The following RPL34 variants were observed in gnomAD, a reference collection of about 807,000 sequenced individuals.
The protein encoded by RPL34 is ribosomal protein L34, also known as large ribosomal subunit protein eL34.
Under a neutral mutation model 16.3 loss-of-function variants are expected in RPL34, and 2 were observed. The ratio of observed to expected loss-of-function variants is 0.12; its 90% CI spans 0.05 to 0.39. The LOEUF (loss-of-function observed/expected upper bound fraction) is 0.39, where lower values mean the gene tolerates loss of function less well. RPL34 is among the 10% of genes least tolerant of loss of function. The probability of loss-of-function intolerance (pLI) is 0.99; values close to 1 mark genes in which losing one functional copy is unlikely to be tolerated. For synonymous variants in RPL34, 47 were observed against 48.5 expected (o/e 0.97, Z 0.13); for missense variants, 82 against 148.8 (o/e 0.55, Z 2.33).
intron 4 of RPL34, 103 bp from the exon 5 acceptor site, chr4:108,625,025 C>CTG (rs1328251735): frequency 1.4e-6 from 1 of 733,110 alleles, no homozygotes; most frequent in Non-Finnish European, 2.3e-6. Flanking sequence ...CCTGGGTTCC[C>CTG]TGATTGCTTT....
intron 4 of RPL34, 26 bp from the exon 5 acceptor site, chr4:108,625,102 G>T: frequency 6.7e-7 from 1 of 1,499,032 alleles, no homozygotes; most frequent in Non-Finnish European, 9.2e-7. Context: ...TTAAAGAAAT[G>T]ATTAATTTGG....
At chr4:108,625,009 T>C in intron 4 of RPL34, 119 bp from the exon 5 acceptor site, 1 of 663,814 alleles carries the variant, frequency 1.5e-6, no homozygotes, top group Non-Finnish European at 2.7e-6. Flanking sequence ...GTGTATCCTG[T>C]AGTTTCCTGG....
chr4:108,622,805 T>C (rs1169089810), intron 4 of RPL34, 187 bp downstream of exon 4: 1 of 462,064 alleles, frequency 2.2e-6, no homozygotes, highest in Non-Finnish European at 3.8e-6. Context: ...TTTGGGGGCA[T>C]ATTTATGCTA....
intron 4 of RPL34, 186 bp downstream of exon 4, chr4:108,622,804 A>T (rs566757442): frequency 2.1e-6 from 1 of 465,362 alleles, no homozygotes; most frequent in Non-Finnish European, 3.8e-6. Flanking sequence ...ATTTGGGGGC[A>T]TATTTATGCT....
At chr4:108,626,766 C>T (rs942242395), downstream of RPL34, among the ~76,000 whole-genome samples, 11 of 152,096 alleles carry the variant, frequency 7.2e-5, no homozygotes, top group Non-Finnish European at 1.3e-4. Context: ...CCATAACAAG[C>T]TTTATTCCAA....
At chr4:108,625,105 T>C (rs764249990) in intron 4 of RPL34, 23 bp from the exon 5 acceptor site, 1 of 1,514,334 alleles carries the variant, frequency 6.6e-7, no homozygotes, top group Non-Finnish European at 9.1e-7. Context: ...AAGAAATGAT[T>C]AATTTGGTAT....
intron 4 of RPL34, among the ~76,000 whole-genome samples, chr4:108,624,884 G>C (rs976906264): frequency 6.6e-6 from 1 of 152,064 alleles, no homozygotes; most frequent in East Asian, 1.9e-4. Flanking sequence ...GTCTCCTGTG[G>C]GGATGACTTC....
At chr4:108,626,287 C>T (rs1371530543), downstream of RPL34, among the ~76,000 whole-genome samples, 8 of 151,774 alleles carry the variant, frequency 5.3e-5, no homozygotes. Context: ...GTAGGCACCA[C>T]CATGCCTGGC....
At chr4:108,620,882 G>C (rs1277790426) in intron 1 of RPL34, 1 of 152,276 alleles carries the variant, frequency 6.6e-6, no homozygotes, top group Non-Finnish European at 1.5e-5. Flanking sequence ...GTGGTTTGGC[G>C]GTTTGAGTCT....
downstream of RPL34, among the ~76,000 whole-genome samples, chr4:108,629,868 G>T (rs975693535): frequency 2.1e-4 from 32 of 152,202 alleles, no homozygotes; most frequent in Non-Finnish European, 1.5e-5. Flanking sequence ...TCAGGGCTAT[G>T]TCCAACTTTC....
chr4:108,628,799 A>G (rs1726093451), downstream of RPL34, among the ~76,000 whole-genome samples: 1 of 152,292 alleles, frequency 6.6e-6, no homozygotes, highest in South Asian at 2.1e-4. Context: ...AGAATGATAA[A>G]AAATCTCAAT....
chr4:108,621,877 C>A (rs1725792928), intron 1 of RPL34, 74 bp from the exon 2 acceptor site: 3 of 969,566 alleles, frequency 3.1e-6, no homozygotes, highest in Non-Finnish European at 5.0e-6. Flanking sequence ...ATGAAATAGA[C>A]CACATGATAC....
chr4:108,621,855 A>G (rs1725792130), intron 1 of RPL34, 96 bp from the exon 2 acceptor site: 1 of 793,090 alleles, frequency 1.3e-6, no homozygotes, highest in Admixed American at 1.9e-5. Flanking sequence ...ACATACAAGG[A>G]TATGTATGTG....
chr4:108,621,283 A>G (rs1243967283), intron 1 of RPL34: 1 of 152,506 alleles, frequency 6.6e-6, no homozygotes, highest in Non-Finnish European at 1.5e-5. Flanking sequence ...AGTTGCTCGT[A>G]TGCATATCTG....
intron 3 of RPL34, 24 bp downstream of exon 3, chr4:108,622,228 C>T: frequency 6.7e-7 from 1 of 1,494,324 alleles, no homozygotes; most frequent in Non-Finnish European, 9.3e-7. Context: ...TTACTGTGTG[C>T]AGCCTAACAA....
intron 1 of RPL34, 175 bp downstream of exon 1, chr4:108,620,775 C>T (rs1725724564): frequency 6.5e-6 from 1 of 153,438 alleles, no homozygotes; most frequent in African/African-American, 2.4e-5. Context: ...TTGGAAATCC[C>T]TTGTTCCTGG....
downstream of RPL34, chr4:108,625,470 C>T (rs1389873171): frequency 3.3e-6 from 1 of 307,058 alleles, no homozygotes; most frequent in Non-Finnish European, 6.1e-6. Flanking sequence ...ACCGCACCCT[C>T]TGCCTTCCAG....
chr4:108,625,074 T>G (rs1314052407), intron 4 of RPL34, 54 bp from the exon 5 acceptor site: 4 of 1,298,738 alleles, frequency 3.1e-6, no homozygotes, highest in African/African-American at 1.5e-5. Flanking sequence ...CTGTGCTAAA[T>G]AAAAAATGAA....
At chr4:108,630,367 G>A (rs1470737192), downstream of RPL34, 2 of 152,128 alleles carry the variant, frequency 1.3e-5, no homozygotes, top group Non-Finnish European at 2.9e-5. Flanking sequence ...TCTGTAAAGA[G>A]TTTAGGGTTT....
Sources: allele counts gnomAD v4.1 joint callset (sites outside exome capture counted in the v4.1 genomes callset), GRCh38; gene constraint gnomAD v4.1.1; transcripts MANE v1.5; gene names NCBI Gene and HGNC (gene_info 2026-07-23, HGNC 2026-07-21).